The following SPATA13 variants were observed in gnomAD, a reference collection of about 807,000 sequenced individuals.
SPATA13 encodes the protein spermatogenesis associated 13, also known as spermatogenesis-associated protein 13.
In SPATA13, 50 loss-of-function variants were observed where a neutral mutation model predicts 104.0. The observed-to-expected ratio is 0.48, with a 90% CI of 0.38 to 0.61. The LOEUF (loss-of-function observed/expected upper bound fraction) is 0.61. Among genes scored for constraint, SPATA13 ranks in the 20% least tolerant of loss-of-function variants. The pLI is 0.00. For synonymous variants in SPATA13, 606 were observed against 667.5 expected (o/e 0.91, Z 1.42); for missense variants, 1,524 against 1,690.6 (o/e 0.90, Z 1.73).
rs9510983 is a variant in SPATA13, at chr13:23,980,161, G to A, written c.-354+237G>A. ...GCCGAGATCGCGCCACTCCATCCTC[G>A]GCGACAGAGCGAGACTCCGTCTCAA... is the stretch of plus-strand genomic sequence containing the variant. On this transcript the variant is annotated intron_variant, in intron 1 of 14. Coordinates refer to the SPATA13 transcript ENST00000424834. Among the ~76,000 whole-genome samples, 1,151 of 152,212 alleles carry A rather than the reference G, an allele frequency of 7.6e-3. 6 individuals carry two copies. Among genetic ancestry groups the A allele is most frequent in the Non-Finnish European group, 0.011 (759 of 67,990 alleles).
intron 3 of SPATA13, among the ~76,000 whole-genome samples, chr13:24,111,857 G>A (rs1038186615): frequency 5.9e-5 from 9 of 152,042 alleles, no homozygotes; most frequent in Non-Finnish European, 7.4e-5. Context: ...TTTTGCCTCC[G>A]GGCTTATAAT....
At chr13:24,013,835 C>T (rs1410500059) in intron 2 of SPATA13, among the ~76,000 whole-genome samples, 3 of 151,912 alleles carry the variant, frequency 2.0e-5, no homozygotes, top group Non-Finnish European at 1.5e-5. Context: ...AGTCAATAGC[C>T]GTTTGACCCA....
Position 24,277,173 on chromosome 13 carries a change from G to A in SPATA13, c.2165-6962G>A, listed in dbSNP as rs926134872. Among the ~76,000 whole-genome samples the A allele has an allele frequency of 2.8e-4, 43 of 152,088 alleles. 2 individuals carry two copies. Among genetic ancestry groups the A allele is most frequent in the Admixed American group, 2.2e-3 (33 of 15,278 alleles). ...AAGAAGTTCACCTTGGGCCGGGCGC[G>A]GTGGCTTACGCCTGTAATCCTAGCA... is the stretch of plus-strand genomic sequence containing the variant. On this transcript the variant is annotated intron_variant, in intron 4 of 12. Transcript: ENST00000382108.
chr13:24,262,110 G>T (rs1874087433), intron 4 of SPATA13, among the ~76,000 whole-genome samples: 1 of 152,126 alleles, frequency 6.6e-6, no homozygotes, highest in African/African-American at 2.4e-5. Context: ...ATTTAGAATT[G>T]ATATTAATCC....
In SPATA13 at chr13:24,284,234, A is replaced by C; in HGVS notation, c.2264A>C (p.Tyr755Ser). Residue 755 changes from tyrosine to serine, a missense_variant, in exon 5 of 13, where the codon TAC (tyrosine) becomes TCC (serine). By Grantham distance (144) the Tyr-to-Ser change is moderately radical. This residue lies in a region of SPATA13 where 1,089 missense variants were observed against 1,135.9 expected (regional missense o/e 0.96). Coordinates refer to ENST00000382108, the MANE Select transcript of SPATA13 (RefSeq NM_001166271.3). The part of the protein sequence containing the change: ...YEDLCQASPR[Y>S]LQPGGEQLAI... ...GACCTCTGCCAGGCCAGCCCTCGGT[A>C]CCTGCAGCCCGGCGGGGAGCAGCTG... 1 of 1,613,810 alleles carries C rather than the reference A, an allele frequency of 6.2e-7. No individual in the cohort carries two copies. Among genetic ancestry groups the C allele is most frequent in the East Asian group, 2.2e-5 (1 of 44,892 alleles).
intron 3 of SPATA13, among the ~76,000 whole-genome samples, chr13:24,080,906 CTG>C (rs1439814721): frequency 6.6e-6 from 1 of 152,196 alleles, no homozygotes; most frequent in African/African-American, 2.4e-5. Context: ...TCCAGTGCAC[CTG>C]TCTTCTGTCC....
chr13:24,165,788 T>C (rs967535786), intron 1 of SPATA13, among the ~76,000 whole-genome samples: 1 of 152,208 alleles, frequency 6.6e-6, no homozygotes, highest in Non-Finnish European at 1.5e-5. Flanking sequence ...GAACAGTCCA[T>C]TGTACTTGAG....
intron 2 of SPATA13, among the ~76,000 whole-genome samples, chr13:24,243,830 T>C (rs959178408): frequency 5.3e-5 from 8 of 152,196 alleles, no homozygotes; most frequent in African/African-American, 1.9e-4. Context: ...ACTGGGGGGT[T>C]AGCTTATTGT....
intron 3 of SPATA13, chr13:24,034,318 G>A (rs1181898453): frequency 6.6e-6 from 1 of 152,176 alleles, no homozygotes; most frequent in Non-Finnish European, 1.5e-5. Context: ...GAGTGTAATG[G>A]AAAAGAAAGT....
intron 1 of SPATA13, among the ~76,000 whole-genome samples, chr13:24,199,004 A>G (rs1870249650): frequency 7.4e-6 from 1 of 134,988 alleles, no homozygotes; most frequent in Non-Finnish European, 1.7e-5. Flanking sequence ...TCTGGAGTGC[A>G]GTGGTTCATT....
At chr13:24,228,751 G>A (rs1872093263) in intron 2 of SPATA13, among the ~76,000 whole-genome samples, 1 of 152,216 alleles carries the variant, frequency 6.6e-6, no homozygotes, top group South Asian at 2.1e-4. Context: ...CTACTTACAG[G>A]ATTAAAGCAA....
chr13:24,293,869 T>C (rs748255734), intron 9 of SPATA13, among the ~76,000 whole-genome samples: 10 of 152,238 alleles, frequency 6.6e-5, no homozygotes, highest in Non-Finnish European at 1.3e-4. Context: ...TAGAATCTGC[T>C]TTCAAGGCTT....
chr13:23,989,776 G>C (rs34875690), intron 2 of SPATA13, among the ~76,000 whole-genome samples: 3 of 152,088 alleles, frequency 2.0e-5, no homozygotes, highest in Non-Finnish European at 4.4e-5. Context: ...TCAGAAGTGA[G>C]GCCTTGGGAA....
chr13:24,286,122 C>T lies in SPATA13; in HGVS notation c.2302-92C>T. On this transcript the variant is annotated intron_variant, in intron 5 of 12. Coordinates refer to ENST00000382108, the MANE Select transcript of SPATA13 (RefSeq NM_001166271.3). This position sits in a 1 kb window ranked among gnomAD's most constrained non-coding sequence, Gnocchi z 4.9. ...CCAGCATATCCAAGTGAGAGGATAC[C>T]AGTGTCACCCTGAGAGAGTGCACCT... is the stretch of plus-strand genomic sequence containing the variant. 8.2e-7 allele frequency: 1 copy of T among 1,217,278 alleles called. No homozygotes were observed. The highest frequency in any genetic ancestry group is 1.2e-6 in the Non-Finnish European group (1 of 869,544). 75.4% of individuals were successfully genotyped at this position (1,217,278 alleles called of 1,614,324 possible).
chr13:24,192,431 C>T (rs1869814270), intron 1 of SPATA13, among the ~76,000 whole-genome samples: 1 of 152,108 alleles, frequency 6.6e-6, no homozygotes, highest in African/African-American at 2.4e-5. Flanking sequence ...CCTGCCCCTT[C>T]AGTCTCTGTG....
intron 3 of SPATA13, among the ~76,000 whole-genome samples, chr13:24,024,673 A>ATATGTTATGTAAT (rs1312110137): frequency 9.5e-6 from 1 of 105,342 alleles, no homozygotes; most frequent in East Asian, 2.3e-4. Flanking sequence ...TTTTGTTAAT[A>ATATGTTATGTAAT]TTTGATGACA....
chr13:24,022,174 C>G (rs1272817834), intron 3 of SPATA13, among the ~76,000 whole-genome samples: 1 of 151,526 alleles, frequency 6.6e-6, no homozygotes, highest in Non-Finnish European at 1.5e-5. Flanking sequence ...TCCCGAGTAG[C>G]TGGGACTACA....
intron 3 of SPATA13, among the ~76,000 whole-genome samples, chr13:24,027,902 T>C (rs1437777044): frequency 6.6e-6 from 1 of 152,236 alleles, no homozygotes; most frequent in Admixed American, 6.5e-5. Flanking sequence ...TTACTCTTCC[T>C]CAGCTCTGCT....
intron 3 of SPATA13, among the ~76,000 whole-genome samples, chr13:24,049,658 T>C (rs1179737567): frequency 3.9e-5 from 6 of 152,144 alleles, no homozygotes; most frequent in Non-Finnish European, 8.8e-5. Flanking sequence ...CATGCAATGA[T>C]ACCAACCTCA....
Sources: gnomAD v4.1 joint callset for allele counts (sites outside exome capture counted in the v4.1 genomes callset) on GRCh38, gnomAD v4.1.1 for gene constraint, gnomAD v4.1.1 regional missense constraint, Gnocchi (gnomAD v3.1) non-coding constraint, MANE v1.5 for transcripts, NCBI Gene and HGNC (gene_info 2026-07-23, HGNC 2026-07-21) for gene names.